Variants in GPM6A observed in about 807,000 individuals in gnomAD.
GPM6A encodes the protein neuronal membrane glycoprotein M6-a.
A neutral mutation model predicts 32.1 loss-of-function variants in GPM6A; 7 were observed. The ratio of observed to expected loss-of-function variants is 0.22; its 90% CI spans 0.12 to 0.41. The LOEUF (loss-of-function observed/expected upper bound fraction) is 0.41. GPM6A is among the 10% of genes least tolerant of loss of function. The probability of loss-of-function intolerance (pLI) is 1.00; values close to 1 mark genes in which losing one functional copy is unlikely to be tolerated. For missense variants in GPM6A, 235 were observed against 347.2 expected, an observed-to-expected ratio of 0.68 and a Z score of 2.57; for synonymous variants, 130 against 123.4, an observed-to-expected ratio of 1.05 and a Z score of -0.35.
intron 1 of GPM6A, among the ~76,000 whole-genome samples, chr4:175,734,572 A>C (rs1373223912): frequency 6.6e-6 from 1 of 152,070 alleles, no homozygotes; most frequent in Admixed American, 6.6e-5. Flanking sequence ...CTTTTTAAAA[A>C]AAAAAAATGC....
chr4:175,731,178 C>T (rs992060119), intron 1 of GPM6A, among the ~76,000 whole-genome samples: 3 of 152,162 alleles, frequency 2.0e-5, no homozygotes, highest in Non-Finnish European at 4.4e-5. Flanking sequence ...GACAAACTCT[C>T]AGCTTGGATT....
At chr4:175,768,412 G>A (rs146384946) in intron 1 of GPM6A, among the ~76,000 whole-genome samples, 5 of 152,178 alleles carry the variant, frequency 3.3e-5, no homozygotes, top group African/African-American at 1.2e-4. Context: ...AAGATGTCTT[G>A]GATGCCATTT....
chr4:175,799,512 A>T (rs892613636), intron 1 of GPM6A, among the ~76,000 whole-genome samples: 1 of 152,142 alleles, frequency 6.6e-6, no homozygotes, highest in Non-Finnish European at 1.5e-5. Context: ...AGAGATTGAT[A>T]TTAGTGCAAG....
chr4:175,885,299 T>C (rs966673349), intron 1 of GPM6A, among the ~76,000 whole-genome samples: 2 of 152,192 alleles, frequency 1.3e-5, no homozygotes, highest in Non-Finnish European at 2.9e-5. Context: ...TTTACATTTA[T>C]AAAAGGTTCA....
rs1332841573 is a variant in GPM6A, at chr4:175,828,867, TTTATA to T, written c.-22-16623_-22-16619del. Among the ~76,000 whole-genome samples the T allele has an allele frequency of 1.4e-4, 21 of 152,216 alleles. 1 individual carries two copies. The South Asian group carries it at 4.1e-3, about 30-fold the overall frequency. ...TTTACATAAATAGAAAGACTGTAAATTTATATTGGCATTACAAACATTTCAAATTT... is the reference window on the plus strand; with the variant it reads ...TTTACATAAATAGAAAGACTGTAAATTTGGCATTACAAACATTTCAAATTT... On this transcript the variant is annotated intron_variant, in intron 1 of 7. Transcript: ENST00000280187.
chr4:175,747,670 G>A (rs901099487), intron 1 of GPM6A, among the ~76,000 whole-genome samples: 23 of 152,270 alleles, frequency 1.5e-4, no homozygotes, highest in Admixed American at 2.6e-4. Flanking sequence ...CCTTCAGCAA[G>A]TCTTAATCTT....
chr4:175,892,728 G>A (rs1489899392), intron 1 of GPM6A, among the ~76,000 whole-genome samples: 2 of 152,158 alleles, frequency 1.3e-5, no homozygotes, highest in East Asian at 3.8e-4. Context: ...CAATGGCAGT[G>A]AATATACAAG....
intron 1 of GPM6A, among the ~76,000 whole-genome samples, chr4:175,871,484 TA>T (rs1221247634): frequency 1.3e-5 from 2 of 151,972 alleles, no homozygotes; most frequent in African/African-American, 2.4e-5. Flanking sequence ...AAAATAAAAA[TA>T]AAGAAAGAAT....
intron 1 of GPM6A, among the ~76,000 whole-genome samples, chr4:175,728,077 T>A (rs998475786): frequency 6.6e-6 from 1 of 152,054 alleles, no homozygotes. Context: ...ATCTCACTTC[T>A]TACATACTTC....
At chr4:175,851,725 G>A (rs1736265029) in intron 1 of GPM6A, among the ~76,000 whole-genome samples, 1 of 152,182 alleles carries the variant, frequency 6.6e-6, no homozygotes, top group South Asian at 2.1e-4. Context: ...CAAATCAGTT[G>A]TGATTGGCAA....
At chr4:175,733,427 T>C (rs1014529676) in intron 1 of GPM6A, among the ~76,000 whole-genome samples, 1 of 152,148 alleles carries the variant, frequency 6.6e-6, no homozygotes, top group African/African-American at 2.4e-5. Flanking sequence ...CACTTGAACC[T>C]GGGAGACGGA....
upstream of GPM6A, chr4:175,812,338 T>TTTTTTTTTTTTTTTTA: frequency 7.5e-7 from 1 of 1,328,596 alleles, no homozygotes; most frequent in Non-Finnish European, 9.8e-7. Context: ...TTTTTTTTTT[T>TTTTTTTTTTTTTTTTA]TTCCTGGGAA....
chr4:175,692,100 A>G (rs1031809748), intron 2 of GPM6A, among the ~76,000 whole-genome samples: 1 of 152,220 alleles, frequency 6.6e-6, no homozygotes, highest in Admixed American at 6.5e-5. Context: ...CCAGGACTCT[A>G]AGATAATACA....
At chr4:175,727,645 C>T (rs1560899609) in intron 1 of GPM6A, among the ~76,000 whole-genome samples, 4 of 152,144 alleles carry the variant, frequency 2.6e-5, no homozygotes, top group Admixed American at 1.3e-4. Flanking sequence ...CACCTAAATA[C>T]ACTGCCTGAA....
chr4:175,642,426 T>G (rs1455053321), intron 4 of GPM6A, among the ~76,000 whole-genome samples: 1 of 152,166 alleles, frequency 6.6e-6, no homozygotes, highest in Admixed American at 6.5e-5. Flanking sequence ...TTCCTTTCCT[T>G]TCATTTCTAC....
intron 1 of GPM6A, among the ~76,000 whole-genome samples, chr4:175,861,217 A>G (rs1038532098): frequency 1.3e-5 from 2 of 152,060 alleles, no homozygotes; most frequent in South Asian, 4.1e-4. Context: ...AGGTGAGTGA[A>G]AGAGAGAAAA....
At chr4:175,670,132 T>C (rs1391889855) in intron 3 of GPM6A, among the ~76,000 whole-genome samples, 3 of 152,226 alleles carry the variant, frequency 2.0e-5, no homozygotes, top group South Asian at 4.1e-4. Context: ...CCTAGCAAAC[T>C]AGTAAACACA....
At chr4:175,716,705 T>G (rs1745860805) in intron 1 of GPM6A, among the ~76,000 whole-genome samples, 2 of 152,140 alleles carry the variant, frequency 1.3e-5, no homozygotes, top group African/African-American at 2.4e-5. Flanking sequence ...ACTATTAAAT[T>G]CCAAACAGGG....
At chr4:175,905,274 G>A (rs539253002) in intron 1 of GPM6A, among the ~76,000 whole-genome samples, 1 of 152,288 alleles carries the variant, frequency 6.6e-6, no homozygotes, top group East Asian at 1.9e-4. Context: ...CCTAGGTCAA[G>A]CTTGTCCAAT....
Sources: allele counts gnomAD v4.1 joint callset (sites outside exome capture counted in the v4.1 genomes callset), GRCh38; gene constraint gnomAD v4.1.1; transcripts MANE v1.5; gene names NCBI Gene and HGNC (gene_info 2026-07-23, HGNC 2026-07-21).